Variants in LUZP4 observed in about 807,000 individuals in gnomAD.
The protein encoded by LUZP4 is HOM-TES-85 tumor antigen.
Under a neutral mutation model 8.5 loss-of-function variants are expected in LUZP4, and 11 were observed. The observed-to-expected ratio is 1.30, with a 90% CI of 0.82 to 2.14. The LOEUF (loss-of-function observed/expected upper bound fraction) is 2.14, where lower values mean the gene tolerates loss of function less well. Ranked by LOEUF, LUZP4 falls within the 30% of genes most tolerant of loss-of-function variation. The probability of loss-of-function intolerance (pLI) is 0.00; values close to 1 mark genes in which losing one functional copy is unlikely to be tolerated. For missense variants in LUZP4, 276 were observed against 229.7 expected (o/e 1.20, Z -1.30); for synonymous variants, 104 against 79.4 (o/e 1.31, Z -1.65).
At chrX:115,293,336 T>TGGCATTATC (rs2073356386) in intron 1 of LUZP4, among the ~76,000 whole-genome samples, 1 of 109,574 alleles carries the variant, frequency 9.1e-6, no homozygotes, top group Non-Finnish European at 1.9e-5. Flanking sequence ...TGGAGTGCAG[T>TGGCATTATC]GGCATTATCA....
rs782627471 is a variant in LUZP4, at chrX:115,303,378, C to T, written c.302C>T (p.Ser101Phe). ...KPSQKPSGFKSGQHPLNGQPL... is the reference protein window; with the variant it reads ...KPSQKPSGFKFGQHPLNGQPL... ...TCCCAAAAACCTTCTGGATTCAAGTCTGGACAACACCCTTTAAATGGGCAG... is the reference window on the plus strand; with the variant it reads ...TCCCAAAAACCTTCTGGATTCAAGTTTGGACAACACCCTTTAAATGGGCAG... Residue 101 changes from serine to phenylalanine, a missense_variant, in exon 3 of 4, where the codon TCT (serine) becomes TTT (phenylalanine). Ser to Phe is a radical substitution (Grantham distance 155). Coordinates refer to ENST00000371920, the MANE Select transcript of LUZP4 (RefSeq NM_016383.5). 2 of 1,187,220 alleles carry T rather than the reference C, an allele frequency of 1.7e-6. No individual in the cohort carries two copies. Among genetic ancestry groups the T allele is most frequent in the Non-Finnish European group, 2.3e-6 (2 of 882,120 alleles).
chrX:115,302,089 G>A lies in LUZP4; in HGVS notation c.189G>A (p.Gln63=). The part of the protein sequence containing the change: ...NHSKKESPSR[Q]QSKAHRHRHR... Reference sequence around the variant, plus strand: ...GTAAAAAGGAATCGCCTTCAAGACAGCAATCAAAAGCTCATAGACATCGCC... The same window carrying A: ...GTAAAAAGGAATCGCCTTCAAGACAACAATCAAAAGCTCATAGACATCGCC... Residue 63 remains glutamine, a synonymous_variant, in exon 2 of 4, where the codon CAG becomes CAA. Coordinates refer to ENST00000371920, the MANE Select transcript of LUZP4 (RefSeq NM_016383.5). 8.4e-7 allele frequency: 1 copy of A among 1,195,408 alleles called. No individual in the cohort carries two copies. Among genetic ancestry groups the A allele is most frequent in the Non-Finnish European group, 1.1e-6 (1 of 888,446 alleles).
At chrX:115,290,321 G>A (rs1012763093) in intron 1 of LUZP4, among the ~76,000 whole-genome samples, 2 of 111,067 alleles carry the variant, frequency 1.8e-5, no homozygotes, top group Non-Finnish European at 3.8e-5. Flanking sequence ...TAGGGATCCC[G>A]GCGTGGTAGT....
intron 1 of LUZP4, among the ~76,000 whole-genome samples, chrX:115,298,384 T>C (rs1180570584): frequency 2.7e-5 from 3 of 112,819 alleles, no homozygotes; most frequent in Non-Finnish European, 5.6e-5. Context: ...ATAAACTTTC[T>C]ACCCCTATCT....
At chrX:115,291,519 T>A (rs1051610769) in intron 1 of LUZP4, among the ~76,000 whole-genome samples, 2 of 110,654 alleles carry the variant, frequency 1.8e-5, no homozygotes, top group Non-Finnish European at 3.8e-5. Context: ...CAGAAATTGA[T>A]GGAGCAGTGG....
chrX:115,296,400 T>C (rs1556598931), intron 1 of LUZP4, among the ~76,000 whole-genome samples: 2 of 111,141 alleles, frequency 1.8e-5, no homozygotes, highest in Non-Finnish European at 3.8e-5. Context: ...ATGTCTCTCC[T>C]TGAGAGATTG....
chrX:115,307,017 T>C lies in LUZP4; in HGVS notation c.*213T>C. On this transcript the variant is annotated 3_prime_UTR_variant, in exon 4 of 4. Transcript: ENST00000371920. ...GGATGTCCCATTAAGTTGTTCCCGG[T>C]AGGTCTGCTTTCCCTGGAAGAGCCG... 4.7e-6 allele frequency: 2 copies of C among 421,071 alleles called. No individual in the cohort carries two copies. Among genetic ancestry groups the C allele is most frequent in the South Asian group, 3.7e-5 (1 of 26,957 alleles). The allele number at this position is 421,071 out of a possible 1,213,427, so 34.7% of individuals were successfully genotyped here.
chrX:115,302,117 C>T lies in LUZP4; in HGVS notation c.217C>T (p.Arg73Trp), dbSNP rs781998954. ...ATCAAAAGCTCATAGACATCGCCAT[C>T]GGAGAGGTAAAGTATGCTGAAAATA... is the stretch of plus-strand genomic sequence containing the variant. ...QQSKAHRHRH[R>W]RGYSRCRSNS... is the part of the protein sequence containing the mutation. The change falls in exon 2 of 4, where the codon CGG becomes TGG. Residue 73 changes from arginine to tryptophan, a missense_variant. Transcript: ENST00000371920. The T allele has an allele frequency of 1.7e-6, 2 of 1,181,760 alleles. No homozygotes were observed. The highest frequency in any genetic ancestry group is 1.1e-6 in the Non-Finnish European group (1 of 884,095).
At chrX:115,294,676 A>T (rs781814838) in intron 1 of LUZP4, among the ~76,000 whole-genome samples, 12 of 111,796 alleles carry the variant, frequency 1.1e-4, no homozygotes, top group African/African-American at 3.9e-4. Flanking sequence ...ACTGAGAGAG[A>T]TGGTGGTGTC....
intron 1 of LUZP4, among the ~76,000 whole-genome samples, chrX:115,299,752 C>T (rs2073387606): frequency 9.0e-6 from 1 of 111,117 alleles, no homozygotes; most frequent in Admixed American, 9.5e-5. Context: ...CCTGGAATCA[C>T]GGATTCCAAG....
intron 1 of LUZP4, among the ~76,000 whole-genome samples, chrX:115,297,845 G>A (rs1334397747): frequency 7.3e-5 from 8 of 109,453 alleles, no homozygotes; most frequent in African/African-American, 2.7e-4. Flanking sequence ...GTGTTGCTCT[G>A]TAGCCCAGGC....
At chrX:115,304,817 A>G (rs1323981979) in intron 3 of LUZP4, among the ~76,000 whole-genome samples, 1 of 111,623 alleles carries the variant, frequency 9.0e-6, no homozygotes, top group Admixed American at 9.6e-5. Flanking sequence ...ACCCTGCAAT[A>G]AAGAAATGTA....
chrX:115,306,516 T>A lies in LUZP4; in HGVS notation c.654T>A (p.Ser218=). 1 of 1,210,234 alleles carries A rather than the reference T, an allele frequency of 8.3e-7. No individual in the cohort carries two copies. Residue 218 remains serine, a synonymous_variant, in exon 4 of 4, where the codon TCT becomes TCA. Transcript: ENST00000371920. Reference sequence around the variant, plus strand: ...GATCTCATGGTCACTCAGAGAGATCTCATGGTCACTCAGAGAGATCTCATG... The same window carrying A: ...GATCTCATGGTCACTCAGAGAGATCACATGGTCACTCAGAGAGATCTCATG... ...SERSHGHSER[S]HGHSERSHGH... is the part of the protein sequence containing the mutation.
intron 3 of LUZP4, among the ~76,000 whole-genome samples, chrX:115,305,183 C>T (rs1443882355): frequency 8.9e-6 from 1 of 111,967 alleles, no homozygotes; most frequent in Non-Finnish European, 1.9e-5. Context: ...TCAGTCCTAT[C>T]TTTCCTACTG....
intron 1 of LUZP4, among the ~76,000 whole-genome samples, chrX:115,300,410 A>C (rs1569520431): frequency 8.9e-6 from 1 of 112,545 alleles, no homozygotes; most frequent in Non-Finnish European, 1.9e-5. Context: ...ATTGCAGAAA[A>C]AATCTCATAA....
At position 115,306,977 on chromosome X, in the gene LUZP4, T is replaced by A; in HGVS notation, c.*173T>A. 1 of 494,527 alleles carries A rather than the reference T, an allele frequency of 2.0e-6. No homozygotes were observed. The highest frequency in any genetic ancestry group is 3.3e-6 in the Non-Finnish European group (1 of 303,323). 40.8% of individuals were successfully genotyped at this position (494,527 alleles called of 1,213,427 possible). On this transcript the variant is annotated 3_prime_UTR_variant, in exon 4 of 4. Transcript: ENST00000371920. ...TTTCAACTTGATGTCCTCTAAGCTA[T>A]CATCCAGTTACCCAGGATGTCCCAT...
Position 115,296,334 on chromosome X carries a change from G to C in LUZP4, c.92-5658G>C, listed in dbSNP as rs782677657. On this transcript the variant is annotated intron_variant, in intron 1 of 3. Transcript: ENST00000371920. ...TCTTCAGTCCTGACAGTTTATTTCTGAGAGTAAGTATATCAAGAATTCAAA... is the reference window on the plus strand; with the variant it reads ...TCTTCAGTCCTGACAGTTTATTTCTCAGAGTAAGTATATCAAGAATTCAAA... Among the ~76,000 whole-genome samples the C allele has an allele frequency of 6.3e-5, 7 of 111,558 alleles. No homozygotes were observed. The South Asian group carries it at 2.7e-3, about 43-fold the overall frequency.
rs782567465 is a variant in LUZP4, at chrX:115,299,098, G to C, written c.92-2894G>C. On this transcript the variant is annotated intron_variant, in intron 1 of 3. Coordinates refer to ENST00000371920, the MANE Select transcript of LUZP4 (RefSeq NM_016383.5). ...GGACAGGATCTGGGAGAATTCTCTG[G>C]ATCACCAGGCAGAGACTCTTGTTCT... is the stretch of plus-strand genomic sequence containing the variant. Among the ~76,000 whole-genome samples the C allele has an allele frequency of 2.6e-3, 290 of 111,439 alleles. 2 individuals are homozygous for C. Among genetic ancestry groups the C allele is most frequent in the South Asian group, 7.2e-3 (19 of 2,623 alleles).
chrX:115,301,443 A>G (rs782625947), intron 1 of LUZP4, among the ~76,000 whole-genome samples: 1 of 112,193 alleles, frequency 8.9e-6, no homozygotes. Flanking sequence ...TGCTACTACA[A>G]TAATCTAGGT....
Sources: gnomAD v4.1 joint callset for allele counts (sites outside exome capture counted in the v4.1 genomes callset) on GRCh38, gnomAD v4.1.1 for gene constraint, MANE v1.5 for transcripts, NCBI Gene and HGNC (gene_info 2026-07-23, HGNC 2026-07-21) for gene names.